SYT16: variants seen among roughly 807,000 people sequenced by gnomAD.
The protein encoded by SYT16 is synaptotagmin-16.
Under a neutral mutation model 61.4 loss-of-function variants are expected in SYT16, and 42 were observed. That is an observed-to-expected ratio of 0.68 (90% confidence interval 0.53 to 0.89). SYT16 has a LOEUF of 0.89. Among genes scored for constraint, SYT16 ranks in the 40% least tolerant of loss-of-function variants. SYT16 has a pLI of 0.00. For missense variants in SYT16, 804 were observed against 807.3 expected, an observed-to-expected ratio of 1.00 and a Z score of 0.05; for synonymous variants, 314 against 302.3, an observed-to-expected ratio of 1.04 and a Z score of -0.40.
rs35451986 is a variant in SYT16, at chr14:61,817,007, T to TCA, written c.-325+4218_-325+4219dup. Among the ~76,000 whole-genome samples, 117 of 115,814 alleles carry TCA rather than the reference T, an allele frequency of 1.0e-3. 1 individual carries two copies. Among genetic ancestry groups the TCA allele is most frequent in the Admixed American group, 1.1e-3 (14 of 12,364 alleles). The allele number at this position is 115,814 out of a possible 152,430, so 76.0% of individuals were successfully genotyped here. On this transcript the variant is annotated intron_variant, in intron 1 of 7. Coordinates refer to ENST00000683842, the MANE Select transcript of SYT16 (RefSeq NM_001367656.1). The stretch of plus-strand genomic sequence containing the variant: ...GCCTGGGCGACAGAGTGAGGCTCCG[T>TCA]CACACACACACACACACACACAAAA...
chr14:62,039,624 A>G (rs919977893), intron 3 of SYT16, among the ~76,000 whole-genome samples: 1 of 152,190 alleles, frequency 6.6e-6, no homozygotes, highest in Non-Finnish European at 1.5e-5. Context: ...TTTTTAATGC[A>G]TTAAGAATAG....
intron 1 of SYT16, among the ~76,000 whole-genome samples, chr14:61,937,664 T>C (rs1044709531): frequency 1.3e-5 from 2 of 152,124 alleles, no homozygotes; most frequent in Admixed American, 1.3e-4. Context: ...CAATTTTCAA[T>C]AAGAGATTAT....
At chr14:61,879,235 A>G (rs530453619) in intron 1 of SYT16, among the ~76,000 whole-genome samples, 1 of 152,288 alleles carries the variant, frequency 6.6e-6, no homozygotes, top group South Asian at 2.1e-4. Flanking sequence ...TTTGGCTTCC[A>G]TAAGGATTTA....
At chr14:61,911,293 T>C (rs927172351) in intron 1 of SYT16, among the ~76,000 whole-genome samples, 1 of 152,192 alleles carries the variant, frequency 6.6e-6, no homozygotes, top group Non-Finnish European at 1.5e-5. Context: ...AGGCACTTTC[T>C]AAAATAGTTT....
At chr14:61,979,971 G>T (rs934545776) in intron 2 of SYT16, among the ~76,000 whole-genome samples, 21 of 152,174 alleles carry the variant, frequency 1.4e-4, no homozygotes, top group Admixed American at 1.4e-3. Context: ...ATCCCCAATT[G>T]TTTTAGAATT....
intron 1 of SYT16, among the ~76,000 whole-genome samples, chr14:61,915,004 C>A (rs2049067222): frequency 6.6e-6 from 1 of 152,194 alleles, no homozygotes; most frequent in South Asian, 2.1e-4. Context: ...CCCTTATCTA[C>A]TGTGCTCCTA....
At chr14:61,937,782 T>C (rs1256741239) in intron 1 of SYT16, among the ~76,000 whole-genome samples, 1 of 152,160 alleles carries the variant, frequency 6.6e-6, no homozygotes, top group Non-Finnish European at 1.5e-5. Context: ...AGAGGAAGGA[T>C]GGAAACTTGT....
intron 7 of SYT16, among the ~76,000 whole-genome samples, chr14:62,098,122 G>A (rs931812724): frequency 6.6e-6 from 1 of 152,098 alleles, no homozygotes; most frequent in African/African-American, 2.4e-5. Context: ...GATCAACATA[G>A]AAAGAAAACT....
chr14:61,873,417 C>A (rs2047390912), intron 1 of SYT16, among the ~76,000 whole-genome samples: 2 of 152,172 alleles, frequency 1.3e-5, no homozygotes, highest in African/African-American at 4.8e-5. Flanking sequence ...AACAAACCGT[C>A]TTTCCTTTTT....
chr14:61,874,997 C>T (rs374605606), intron 1 of SYT16, among the ~76,000 whole-genome samples: 1 of 152,114 alleles, frequency 6.6e-6, no homozygotes, highest in African/African-American at 2.4e-5. Flanking sequence ...GGAATAGTTA[C>T]CTGAGCATTC....
chr14:61,827,145 T>C (rs554687406), intron 1 of SYT16, among the ~76,000 whole-genome samples: 1 of 152,344 alleles, frequency 6.6e-6, no homozygotes, highest in Admixed American at 6.5e-5. Flanking sequence ...AGGAAGGGAA[T>C]AGTCCTCTGG....
At chr14:62,069,476 C>A (rs2056204839) in intron 3 of SYT16, 127 bp from the exon 4 acceptor site, 1 of 927,774 alleles carries the variant, frequency 1.1e-6, no homozygotes, top group African/African-American at 1.7e-5. Context: ...TTTTTTCTAT[C>A]CAGTTTGAGT....
At chr14:62,004,278 G>A (rs1016265485) in intron 3 of SYT16, among the ~76,000 whole-genome samples, 2 of 152,222 alleles carry the variant, frequency 1.3e-5, no homozygotes, top group East Asian at 3.9e-4. Context: ...AAGCGAGAGT[G>A]AGCAAAAGGG....
At chr14:62,050,631 G>A (rs2140886624) in intron 3 of SYT16, among the ~76,000 whole-genome samples, 1 of 152,318 alleles carries the variant, frequency 6.6e-6, no homozygotes, top group East Asian at 1.9e-4. Context: ...TGATGATGGT[G>A]ACGTACAGAT....
intron 1 of SYT16, among the ~76,000 whole-genome samples, chr14:61,936,049 G>GA (rs914937090): frequency 2.0e-5 from 3 of 151,654 alleles, no homozygotes; most frequent in Admixed American, 6.6e-5. Context: ...ATCTTCTTTA[G>GA]AAAAAAAACC....
At position 61,845,949 on chromosome 14, in the gene SYT16, G is replaced by A. The variant is rs113040832; in HGVS notation, c.-325+33139G>A. On this transcript the variant is annotated intron_variant, in intron 1 of 7. Coordinates refer to ENST00000683842, the MANE Select transcript of SYT16 (RefSeq NM_001367656.1). ...CTCCGTAGACCCATTGGTCATTCAGGAGCATATTGTTTAATTTCCATGTAT... is the reference window on the plus strand; with the variant it reads ...CTCCGTAGACCCATTGGTCATTCAGAAGCATATTGTTTAATTTCCATGTAT... Among the ~76,000 whole-genome samples the A allele has an allele frequency of 1.9e-3, 289 of 152,196 alleles. 1 individual carries two copies. The highest frequency in any genetic ancestry group is 6.7e-3 in the African/African-American group (278 of 41,538).
intron 1 of SYT16, among the ~76,000 whole-genome samples, chr14:61,829,544 T>C (rs541729391): frequency 6.6e-6 from 1 of 152,232 alleles, no homozygotes; most frequent in Middle Eastern, 3.4e-3. Context: ...AACACAAATA[T>C]TAGATTTTTT....
chr14:61,867,163 TAAG>T (rs1261923908), intron 1 of SYT16, among the ~76,000 whole-genome samples: 2 of 152,094 alleles, frequency 1.3e-5, no homozygotes, highest in African/African-American at 4.8e-5. Context: ...TTATATATAA[TAAG>T]TGTTGAAATC....
intron 2 of SYT16, among the ~76,000 whole-genome samples, chr14:61,974,297 C>T (rs2051691874): frequency 6.6e-6 from 1 of 152,110 alleles, no homozygotes; most frequent in Non-Finnish European, 1.5e-5. Flanking sequence ...GATGAACAAT[C>T]CAAGGCCTTA....
Sources: gnomAD v4.1 joint callset for allele counts (sites outside exome capture counted in the v4.1 genomes callset) on GRCh38, gnomAD v4.1.1 for gene constraint, MANE v1.5 for transcripts, NCBI Gene and HGNC (gene_info 2026-07-23, HGNC 2026-07-21) for gene names.